GRIK1: variants seen among roughly 807,000 people sequenced by gnomAD.
GRIK1 encodes the protein glutamate receptor ionotropic, kainate 1.
Under a neutral mutation model 105.7 loss-of-function variants are expected in GRIK1, and 69 were observed. The observed-to-expected ratio is 0.65, with a 90% CI of 0.54 to 0.80. The LOEUF (loss-of-function observed/expected upper bound fraction) is 0.80. Among genes scored for constraint, GRIK1 ranks in the 30% least tolerant of loss-of-function variants. The pLI is 0.00. For missense variants in GRIK1, 1,109 were observed against 1,167.3 expected, an observed-to-expected ratio of 0.95 and a Z score of 0.73; for synonymous variants, 438 against 431.3, an observed-to-expected ratio of 1.02 and a Z score of -0.19.
intron 15 of GRIK1, among the ~76,000 whole-genome samples, chr21:29,560,263 A>G (rs777700808): frequency 1.3e-5 from 2 of 149,518 alleles, no homozygotes; most frequent in East Asian, 2.0e-4. Context: ...CTATACCAGG[A>G]CCTTATATGA....
chr21:29,820,004 T>C (rs189291934), intron 1 of GRIK1, among the ~76,000 whole-genome samples: 17 of 151,698 alleles, frequency 1.1e-4, no homozygotes, highest in African/African-American at 3.9e-4. Context: ...ATAAAGACTT[T>C]GAAAGATGTG....
chr21:29,809,197 A>T (rs1376361512), intron 1 of GRIK1, among the ~76,000 whole-genome samples: 10 of 152,186 alleles, frequency 6.6e-5, no homozygotes, highest in Admixed American at 6.6e-4. Context: ...TAAGACTGTA[A>T]TCAGACATAA....
At chr21:29,892,780 T>C (rs144895488) in intron 1 of GRIK1, among the ~76,000 whole-genome samples, 212 of 152,350 alleles carry the variant, frequency 1.4e-3, no homozygotes, top group African/African-American at 4.9e-3. Context: ...TGAAATGTAA[T>C]CTTTTTTGTG....
chr21:29,895,213 G>T (rs1017505444), intron 1 of GRIK1, among the ~76,000 whole-genome samples: 1 of 152,112 alleles, frequency 6.6e-6, no homozygotes, highest in South Asian at 2.1e-4. Flanking sequence ...AGTGGATGAT[G>T]GTAACATTCA....
rs138821027 is a variant in GRIK1 at position 29,673,006 on chromosome 21, T to A, written c.703A>T (p.Thr235Ser). Residue 235 changes from threonine to serine, a missense_variant, in exon 4 of 18, where the codon ACA (threonine) becomes TCA (serine). Thr to Ser is a moderately conservative substitution (Grantham distance 58). Around this residue, in one of 5 missense-constraint regions of GRIK1, gnomAD observed 612 missense variants for 586.0 expected, o/e 1.04. Transcript: ENST00000327783. The stretch of plus-strand genomic sequence containing the variant: ...ACCTGCTTAAGGATTTCAGCGGCTG[T>A]TTCATGTGAACAATCAAATATCACA... The part of the protein sequence containing the change: ...FYVIFDCSHE[T>S]AAEILKQILF... The A allele has an allele frequency of 4.3e-5, 69 of 1,612,754 alleles. 1 individual carries two copies. The African/African-American group carries it at 7.6e-4, about 18-fold the overall frequency.
chr21:29,889,854 GAAGGAAGAT>G (rs2069825579), intron 1 of GRIK1, among the ~76,000 whole-genome samples: 1 of 151,976 alleles, frequency 6.6e-6, no homozygotes, highest in Non-Finnish European at 1.5e-5. Context: ...TATCCATAAA[GAAGGAAGAT>G]AAAGCTAAGT....
At chr21:29,656,744 G>C (rs553266463) in intron 4 of GRIK1, among the ~76,000 whole-genome samples, 1 of 152,206 alleles carries the variant, frequency 6.6e-6, no homozygotes, top group Non-Finnish European at 1.5e-5. Context: ...ATGATTTTAC[G>C]TGAAAGGGAA....
At chr21:29,757,906 T>C (rs1350261714) in intron 1 of GRIK1, among the ~76,000 whole-genome samples, 2 of 152,274 alleles carry the variant, frequency 1.3e-5, no homozygotes, top group Non-Finnish European at 2.9e-5. Context: ...AGTTGAGGGA[T>C]GCTGCTTTAT....
intron 1 of GRIK1, among the ~76,000 whole-genome samples, chr21:29,793,900 CT>C (rs1194882557): frequency 6.6e-6 from 1 of 152,184 alleles, no homozygotes; most frequent in Non-Finnish European, 1.5e-5. Flanking sequence ...TGTTAACCTT[CT>C]TCACAAACTT....
intron 7 of GRIK1, among the ~76,000 whole-genome samples, chr21:29,613,583 G>T (rs1325696482): frequency 6.6e-6 from 1 of 152,132 alleles, no homozygotes; most frequent in Non-Finnish European, 1.5e-5. Context: ...TTACTCTGAT[G>T]ATTAAGGTAT....
At chr21:29,854,156 G>A (rs1396571797) in intron 1 of GRIK1, among the ~76,000 whole-genome samples, 1 of 152,168 alleles carries the variant, frequency 6.6e-6, no homozygotes. Flanking sequence ...TCCACTTGTG[G>A]TAGAAGGGGA....
intron 1 of GRIK1, among the ~76,000 whole-genome samples, chr21:29,864,747 C>T (rs917986589): frequency 1.3e-5 from 2 of 152,064 alleles, no homozygotes; most frequent in African/African-American, 4.8e-5. Context: ...GCCTGTTCAT[C>T]GTTTGTTGTC....
Position 29,689,846 on chromosome 21 carries a change from G to A in GRIK1, c.426C>T (p.Asn142=), listed in dbSNP as rs540218643. The part of the protein sequence containing the change: ...QTRWKHPSVD[N]KDLFYINLYP... The stretch of plus-strand genomic sequence containing the variant: ...AAAGGTTGATGTAAAACAAATCTTT[G>A]TTGTCCACCGAGGGGTGTTTCCAGC... Residue 142 remains asparagine (N), a synonymous_variant, in exon 3 of 18, where the codon AAC becomes AAT. Coordinates refer to ENST00000327783, the MANE Select transcript of GRIK1 (RefSeq NM_001330994.2). 1.2e-6 allele frequency: 2 copies of A among 1,614,052 alleles called. No homozygotes were observed. Among genetic ancestry groups the A allele is most frequent in the Admixed American group, 1.7e-5 (1 of 60,020 alleles).
At chr21:29,666,073 C>G (rs1010403844) in intron 4 of GRIK1, among the ~76,000 whole-genome samples, 4 of 152,108 alleles carry the variant, frequency 2.6e-5, no homozygotes, top group Admixed American at 1.3e-4. Context: ...TATAAAAAAC[C>G]TGCACATGTA....
chr21:29,674,782 C>T (rs1376957182), intron 3 of GRIK1, among the ~76,000 whole-genome samples: 4 of 152,160 alleles, frequency 2.6e-5, no homozygotes, highest in South Asian at 2.1e-4. Context: ...AACCTCTTTT[C>T]GTTATAAATT....
intron 7 of GRIK1, among the ~76,000 whole-genome samples, chr21:29,619,475 CA>C (rs1470200224): frequency 1.3e-5 from 2 of 151,698 alleles, no homozygotes; most frequent in African/African-American, 4.8e-5. Context: ...TTTGGTGACT[CA>C]GGGGGAAAAG....
chr21:29,646,583 A>G (rs1048373517), intron 6 of GRIK1, among the ~76,000 whole-genome samples: 6 of 152,162 alleles, frequency 3.9e-5, no homozygotes, highest in Non-Finnish European at 5.9e-5. Flanking sequence ...CATCTTAGAG[A>G]CAAGGACTGA....
Position 29,587,430 on chromosome 21 carries a change from C to G in GRIK1, c.1729G>C (p.Asp577His). 1.2e-6 allele frequency: 2 copies of G among 1,613,956 alleles called. No homozygotes were observed. Among genetic ancestry groups the G allele is most frequent in the Non-Finnish European group, 8.5e-7 (1 of 1,179,900 alleles). The change falls in exon 12 of 18, where the codon GAT (aspartate) becomes CAT (histidine). Residue 577 changes from aspartate to histidine, a missense_variant. This residue lies in a region of GRIK1 where 264 missense variants were observed against 306.9 expected (regional missense o/e 0.86). Coordinates refer to ENST00000327783, the MANE Select transcript of GRIK1 (RefSeq NM_001330994.2). ...VFSFLNPLSP[D>H]IWMYVLLACL... ...GCTAAGAGCACATACATCCAAATAT[C>G]TGGAGACAGGGGGTTGAGGAAGGAG...
rs936716513 is a variant in GRIK1, at chr21:29,694,080, G to C, written c.119-17C>G. ...AAATCCCTCCTGCAGAAGCAAAAGA[G>C]ATGCATGAGAAGCGTTAGTCACATG... On this transcript the variant is annotated splice_polypyrimidine_tract_variant and intron_variant, in intron 1 of 17. Coordinates refer to ENST00000327783, the MANE Select transcript of GRIK1 (RefSeq NM_001330994.2). 6 of 1,425,554 alleles carry C rather than the reference G, an allele frequency of 4.2e-6. No individual in the cohort carries two copies. The African/African-American group carries it at 7.0e-5, about 17-fold the overall frequency. The allele number at this position is 1,425,554 out of a possible 1,614,324, so 88.3% of individuals were successfully genotyped here.
Sources: allele counts gnomAD v4.1 joint callset (sites outside exome capture counted in the v4.1 genomes callset), GRCh38; gene constraint gnomAD v4.1.1; regional missense constraint gnomAD v4.1.1; transcripts MANE v1.5; gene names NCBI Gene and HGNC (gene_info 2026-07-23, HGNC 2026-07-21).